Variants in SEC23IP observed in about 807,000 individuals in gnomAD.
The protein encoded by SEC23IP is SEC23-interacting protein.
A neutral mutation model predicts 113.4 loss-of-function variants in SEC23IP; 70 were observed. That is an observed-to-expected ratio of 0.62 (90% CI 0.51 to 0.75). SEC23IP has a LOEUF of 0.75. Among genes scored for constraint, SEC23IP ranks in the 30% least tolerant of loss-of-function variants. SEC23IP has a pLI of 0.00. For synonymous variants in SEC23IP, 398 were observed against 421.0 expected, an observed-to-expected ratio of 0.95 and a Z score of 0.67; for missense variants, 1,160 against 1,204.9, an observed-to-expected ratio of 0.96 and a Z score of 0.55.
At position 119,929,608 on chromosome 10, in the gene SEC23IP, T is replaced by G. The variant is rs770352512; in HGVS notation, c.2315T>G (p.Val772Gly). 5 of 1,604,720 alleles carry G rather than the reference T, an allele frequency of 3.1e-6. No individual in the cohort carries two copies. In the Admixed American group the frequency reaches 8.5e-5, roughly 27 times the overall value. ...TCATTGTTATTTGATTCTTTCCAGGTTTCTGTTGCTTACAACTCATTAGAT... is the reference window on the plus strand; with the variant it reads ...TCATTGTTATTTGATTCTTTCCAGGGTTCTGTTGCTTACAACTCATTAGAT... ...YESFEVGAGQ[V>G]SVAYNSLDFE... The change falls in exon 14 of 19, where the codon GTT becomes GGT. Residue 772 changes from valine to glycine, a missense_variant and splice_region_variant. Physicochemically the swap from Val to Gly is moderately radical, Grantham distance 109 (BLOSUM62 -3). Coordinates refer to ENST00000369075, the MANE Select transcript of SEC23IP (RefSeq NM_007190.4).
At chr10:119,913,783 C>T (rs61867977) in intron 6 of SEC23IP, among the ~76,000 whole-genome samples, 8,213 of 152,004 alleles carry the variant, frequency 0.054, 402 homozygotes, top group South Asian at 0.26. Flanking sequence ...TGAGCCACCA[C>T]ACCCGGCCCA....
chr10:119,919,801 G>GA (rs1227229589), intron 11 of SEC23IP, among the ~76,000 whole-genome samples: 4 of 152,108 alleles, frequency 2.6e-5, no homozygotes, highest in Non-Finnish European at 5.9e-5. Flanking sequence ...AGCCATCAAA[G>GA]AAAAAAATTG....
At chr10:119,920,201 T>A (rs907667882) in intron 11 of SEC23IP, among the ~76,000 whole-genome samples, 1 of 152,200 alleles carries the variant, frequency 6.6e-6, no homozygotes, top group African/African-American at 2.4e-5. Context: ...TGGCAATATC[T>A]TTAAGAATAT....
intron 4 of SEC23IP, chr10:119,904,479 G>T: frequency 1.8e-6 from 1 of 554,824 alleles, no homozygotes; most frequent in South Asian, 2.2e-5. Context: ...GATAGAATAT[G>T]ATTTGCAGAG....
intron 8 of SEC23IP, among the ~76,000 whole-genome samples, 168 bp from the exon 9 acceptor site, chr10:119,917,668 C>T (rs117740320): frequency 0.026 from 3,882 of 152,170 alleles, 64 homozygotes; most frequent in Non-Finnish European, 0.037. Context: ...TGTGAGCCAC[C>T]GCATCTGGCC....
chr10:119,932,003 G>T (rs761144640), intron 15 of SEC23IP, 130 bp from the exon 16 acceptor site: 13 of 581,746 alleles, frequency 2.2e-5, no homozygotes, highest in Non-Finnish European at 4.0e-5. Context: ...GAGGCACTCC[G>T]TATATTTGAC....
intron 13 of SEC23IP, among the ~76,000 whole-genome samples, chr10:119,928,003 A>G (rs1257701749): frequency 6.6e-6 from 1 of 152,188 alleles, no homozygotes; most frequent in Admixed American, 6.5e-5. Flanking sequence ...ATTTTCCTTT[A>G]AAAATATGTA....
At position 119,912,642 on chromosome 10, in the gene SEC23IP, CTTTTTTTT is replaced by C. The variant is rs760515822; in HGVS notation, c.1312+487_1312+494del. Reference sequence around the variant, plus strand: ...CCTAGGTATTTTTCTTTTTCTTTTTCTTTTTTTTTTTTTTTTCAGACAGGGTCTCACTC... The same window carrying C: ...CCTAGGTATTTTTCTTTTTCTTTTTCTTTTTTTTCAGACAGGGTCTCACTC... On this transcript the variant is annotated intron_variant, in intron 6 of 18. Coordinates refer to ENST00000369075, the MANE Select transcript of SEC23IP (RefSeq NM_007190.4). Among the ~76,000 whole-genome samples, 13 of 116,426 alleles carry C rather than the reference CTTTTTTTT, an allele frequency of 1.1e-4. 1 individual carries two copies. The highest frequency in any genetic ancestry group is 5.0e-4 in the Admixed American group (6 of 11,940). The allele number at this position is 116,426 out of a possible 152,430, so 76.4% of individuals were successfully genotyped here. A position where few individuals can be genotyped will look rare whatever the true frequency, so the allele number is the denominator to read the frequency against.
chr10:119,919,626 T>C lies in SEC23IP; in HGVS notation c.2025+30T>C, dbSNP rs550716106. 7 of 1,531,074 alleles carry C rather than the reference T, an allele frequency of 4.6e-6. No homozygotes were observed. In the South Asian group the frequency reaches 9.1e-5, roughly 20 times the overall value. 94.8% of individuals were successfully genotyped at this position (1,531,074 alleles called of 1,614,324 possible). A position where few individuals can be genotyped will look rare whatever the true frequency, so the allele number is the denominator to read the frequency against. ...TGATCATAGTTTGCTTCATTTTGTT[T>C]GAAATTGTTTTTCTTGTGTAGATTG... is the stretch of plus-strand genomic sequence containing the variant. On this transcript the variant is annotated intron_variant, in intron 11 of 18. Coordinates refer to ENST00000369075, the MANE Select transcript of SEC23IP (RefSeq NM_007190.4).
chr10:119,930,420 G>T lies in SEC23IP; in HGVS notation c.2561G>T (p.Arg854Ile). 1 of 1,603,402 alleles carries T rather than the reference G, an allele frequency of 6.2e-7. No homozygotes were observed. The highest frequency in any genetic ancestry group is 8.5e-7 in the Non-Finnish European group (1 of 1,171,810). ...ATTCCACATCACAAAGGCAGAAAAA[G>T]ACTTCATTTAGGTAAAAAGCAAATA... ...VLIPHHKGRK[R>I]LHLELKESLS... is the part of the protein sequence containing the mutation. The change falls in exon 15 of 19, where the codon AGA becomes ATA. Residue 854 changes from arginine to isoleucine, a missense_variant. Coordinates refer to ENST00000369075, the MANE Select transcript of SEC23IP (RefSeq NM_007190.4).
chr10:119,906,991 G>C (rs893972307), intron 4 of SEC23IP, among the ~76,000 whole-genome samples: 1 of 151,400 alleles, frequency 6.6e-6, no homozygotes, highest in Non-Finnish European at 1.5e-5. Flanking sequence ...AAATCGAAGA[G>C]GAGGGTCAGA....
chr10:119,906,856 G>A (rs557575614), intron 4 of SEC23IP, among the ~76,000 whole-genome samples: 1 of 152,208 alleles, frequency 6.6e-6, no homozygotes, highest in East Asian at 1.9e-4. Flanking sequence ...GATTACATGC[G>A]TGAGCCACCA....
Position 119,917,052 on chromosome 10 carries a change from A to G in SEC23IP, c.1545-784A>G, listed in dbSNP as rs535366709. Among the ~76,000 whole-genome samples the G allele has an allele frequency of 2.6e-5, 4 of 152,178 alleles. No homozygotes were observed. The South Asian group carries it at 8.3e-4, about 32-fold the overall frequency. On this transcript the variant is annotated intron_variant, in intron 8 of 18. Coordinates refer to ENST00000369075, the MANE Select transcript of SEC23IP (RefSeq NM_007190.4). ...CCTGGCTAATTTTTAAATTTTCTGT[A>G]GAGATGGGGTCTCACTGTGTTGCTC...
chr10:119,920,295 T>C lies in SEC23IP; in HGVS notation c.2026-594T>C, dbSNP rs569210454. On this transcript the variant is annotated intron_variant, in intron 11 of 18. Transcript: ENST00000369075. ...TTCAAACAAGAATTATCTACAAGGA[T>C]ACTCACAGCAGTGTTTGCAAGGTAA... Among the ~76,000 whole-genome samples the C allele has an allele frequency of 2.6e-5, 4 of 152,322 alleles. No individual in the cohort carries two copies. In the South Asian group the frequency reaches 8.3e-4, roughly 32 times the overall value.
chr10:119,915,725 T>TC, intron 7 of SEC23IP, 23 bp from the exon 8 acceptor site: 1 of 1,481,576 alleles, frequency 6.7e-7, no homozygotes, highest in Admixed American at 2.2e-5. Context: ...ATTTATTTTC[T>TC]CTTTTTTTTT....
chr10:119,934,359 A>G (rs1056766914), intron 18 of SEC23IP, among the ~76,000 whole-genome samples: 3 of 152,256 alleles, frequency 2.0e-5, no homozygotes, highest in Non-Finnish European at 4.4e-5. Flanking sequence ...ATACCTATTG[A>G]CTAGGCCTGT....
Position 119,898,485 on chromosome 10 carries a change from A to T in SEC23IP, c.222A>T (p.Thr74=). 6.2e-7 allele frequency: 1 copy of T among 1,614,122 alleles called. No individual in the cohort carries two copies. The highest frequency in any genetic ancestry group is 8.5e-7 in the Non-Finnish European group (1 of 1,179,994). Residue 74 remains threonine (T), a synonymous_variant, in exon 2 of 19, where the codon ACA becomes ACT. Coordinates refer to ENST00000369075, the MANE Select transcript of SEC23IP (RefSeq NM_007190.4). ...TCCTTGGTCAGACTTCTATTCACAC[A>T]TCTGCCCCACAGACATTTAGTTACT... is the stretch of plus-strand genomic sequence containing the variant. The part of the protein sequence containing the change: ...DSFLGQTSIH[T]SAPQTFSYFS...
At chr10:119,917,745 A>C in intron 8 of SEC23IP, 91 bp from the exon 9 acceptor site, 1 of 884,000 alleles carries the variant, frequency 1.1e-6, no homozygotes, top group East Asian at 2.6e-5. Flanking sequence ...TTCTTAGTGT[A>C]TTTTCAGGAG....
chr10:119,927,552 T>C (rs1855462518), intron 13 of SEC23IP, among the ~76,000 whole-genome samples: 1 of 152,232 alleles, frequency 6.6e-6, no homozygotes, highest in African/African-American at 2.4e-5. Flanking sequence ...TCTCTTAATA[T>C]CATCTTCCCT....
Sources: allele counts gnomAD v4.1 joint callset (sites outside exome capture counted in the v4.1 genomes callset), GRCh38; gene constraint gnomAD v4.1.1; transcripts MANE v1.5; gene names NCBI Gene and HGNC (gene_info 2026-07-23, HGNC 2026-07-21).